Variants in FRMD3 observed in about 807,000 individuals in gnomAD.
FRMD3 encodes FERM domain containing 3.
A neutral mutation model predicts 70.2 loss-of-function variants in FRMD3; 33 were observed. The observed-to-expected ratio is 0.47, with a 90% CI of 0.36 to 0.63. The LOEUF (loss-of-function observed/expected upper bound fraction) is 0.63, where lower values mean the gene tolerates loss of function less well. Ranked by LOEUF, FRMD3 falls within the 20% of genes least tolerant of loss-of-function variation. FRMD3 has a pLI of 0.00. For synonymous variants in FRMD3, 279 were observed against 255.9 expected (o/e 1.09, Z -0.86); for missense variants, 632 against 711.4 (o/e 0.89, Z 1.27).
At chr9:83,243,020 T>G, downstream of FRMD3, 4 of 627,516 alleles carry the variant, frequency 6.4e-6, no homozygotes, top group Non-Finnish European at 1.1e-5. Context: ...TATTAATGGA[T>G]TGGAGAGCAC....
intron 4 of FRMD3, among the ~76,000 whole-genome samples, chr9:83,344,467 G>A (rs1272478497): frequency 2.6e-5 from 4 of 152,152 alleles, no homozygotes; most frequent in Non-Finnish European, 5.9e-5. Flanking sequence ...TTGACTTGGT[G>A]GACTGAGTAA....
intron 13 of FRMD3, among the ~76,000 whole-genome samples, chr9:83,288,454 A>G (rs1279464842): frequency 2.0e-5 from 3 of 152,230 alleles, no homozygotes; most frequent in Non-Finnish European, 4.4e-5. Flanking sequence ...TTGCTTTTTA[A>G]TTGAGTCTAT....
intron 3 of FRMD3, among the ~76,000 whole-genome samples, chr9:83,356,743 AT>A (rs35678880): frequency 2.6e-5 from 4 of 151,524 alleles, no homozygotes; most frequent in Non-Finnish European, 5.9e-5. Flanking sequence ...CTTTTTAACA[AT>A]TTTTTTTATT....
intron 1 of FRMD3, among the ~76,000 whole-genome samples, chr9:83,535,618 ATTT>A (rs36112441): frequency 6.7e-6 from 1 of 148,670 alleles, no homozygotes; most frequent in Admixed American, 6.7e-5. Context: ...ACTTTTTGTG[ATTT>A]TTTTTTTTTT....
At chr9:83,501,188 G>A (rs1829060306) in intron 1 of FRMD3, among the ~76,000 whole-genome samples, 1 of 152,146 alleles carries the variant, frequency 6.6e-6, no homozygotes, top group East Asian at 1.9e-4. Flanking sequence ...CAGCTACTCG[G>A]GAGGCTGAGG....
At chr9:83,544,521 A>T in the FRMD3 span, among the ~76,000 whole-genome samples, 4 of 152,330 alleles carry the variant, frequency 2.6e-5, no homozygotes, top group South Asian at 8.3e-4. Context: ...CCCAGCTGAA[A>T]AAAAAGATCA....
rs1828885757 is a variant in FRMD3 at position 83,493,998 on chromosome 9, CA to C, written c.147+44086del. Among the ~76,000 whole-genome samples the C allele has an allele frequency of 2.6e-5, 4 of 152,330 alleles. No individual in the cohort carries two copies. The South Asian group carries it at 6.2e-4, about 24-fold the overall frequency. On this transcript the variant is annotated intron_variant, in intron 1 of 13. Transcript: ENST00000304195. ...GCGCTACACTTATCACCCGCTGACC[CA>C]AAAGCCACTTCCAACTCTTCCCTTG...
intron 13 of FRMD3, among the ~76,000 whole-genome samples, chr9:83,253,266 A>T (rs543905690): frequency 6.6e-6 from 1 of 152,184 alleles, no homozygotes; most frequent in Non-Finnish European, 1.5e-5. Flanking sequence ...TTACTGAATG[A>T]CTCTTGGGTA....
the FRMD3 span, among the ~76,000 whole-genome samples, chr9:83,572,172 T>C: frequency 6.8e-6 from 1 of 147,458 alleles, no homozygotes; most frequent in South Asian, 2.1e-4. Context: ...TGTGTGTGTG[T>C]GCATGCGCAT....
At chr9:83,249,112 A>T (rs190780719) in intron 13 of FRMD3, among the ~76,000 whole-genome samples, 288 of 152,294 alleles carry the variant, frequency 1.9e-3, no homozygotes, top group African/African-American at 6.7e-3. Context: ...AAGCTGCCAA[A>T]TTTTTTATTT....
intron 1 of FRMD3, among the ~76,000 whole-genome samples, chr9:83,428,963 G>GCACACACA (rs148101856): frequency 6.7e-6 from 1 of 150,150 alleles, no homozygotes; most frequent in Admixed American, 6.6e-5. Context: ...AAACACACAC[G>GCACACACA]CACACACACA....
At position 83,388,354 on chromosome 9, in the gene FRMD3, G is replaced by A. The variant is rs75778879; in HGVS notation, c.252+1250C>T. Among the ~76,000 whole-genome samples, 138 of 152,218 alleles carry A rather than the reference G, an allele frequency of 9.1e-4. 1 individual carries two copies. The East Asian group carries it at 0.023, about 26-fold the overall frequency. On this transcript the variant is annotated intron_variant, in intron 2 of 13. Transcript: ENST00000304195. ...AGATCAGGGACATTGAGGAGGAGGAGAGCAAATTAAAGAAGGCAGAGGGGT... is the reference window on the plus strand; with the variant it reads ...AGATCAGGGACATTGAGGAGGAGGAAAGCAAATTAAAGAAGGCAGAGGGGT...
intron 13 of FRMD3, among the ~76,000 whole-genome samples, chr9:83,288,109 T>C (rs1002390483): frequency 1.3e-5 from 2 of 152,204 alleles, no homozygotes; most frequent in Non-Finnish European, 2.9e-5. Flanking sequence ...GTGCATGCAC[T>C]CAAAAGCCCA....
At chr9:83,456,645 T>C (rs1827825390) in intron 1 of FRMD3, among the ~76,000 whole-genome samples, 1 of 152,200 alleles carries the variant, frequency 6.6e-6, no homozygotes, top group Non-Finnish European at 1.5e-5. Flanking sequence ...TTGTTTTAAA[T>C]GCTTAACAAA....
At position 83,522,761 on chromosome 9, in the gene FRMD3, C is replaced by G. The variant is rs1488436243; in HGVS notation, c.147+15324G>C. Reference sequence around the variant, plus strand: ...TGTATTTTTAGTAGAGACGGGGTTTCACGGTGCTAGCCAGGATGATCTCGA... The same window carrying G: ...TGTATTTTTAGTAGAGACGGGGTTTGACGGTGCTAGCCAGGATGATCTCGA... On this transcript the variant is annotated intron_variant, in intron 1 of 13. Coordinates refer to ENST00000304195, the MANE Select transcript of FRMD3 (RefSeq NM_174938.6). 5.3e-5 allele frequency among the ~76,000 whole-genome samples: 8 copies of G among 152,048 alleles called. No homozygotes were observed. In the East Asian group the frequency reaches 1.4e-3, roughly 26 times the overall value.
At chr9:83,469,986 C>T (rs1402108851) in intron 1 of FRMD3, among the ~76,000 whole-genome samples, 1 of 152,184 alleles carries the variant, frequency 6.6e-6, no homozygotes, top group African/African-American at 2.4e-5. Flanking sequence ...AGGACCCAGG[C>T]ATTTGTACTT....
In FRMD3 at chr9:83,245,307, T is replaced by G. The variant is rs1225741431; in HGVS notation, c.*2611A>C. On this transcript the variant is annotated 3_prime_UTR_variant, in exon 14 of 14. Transcript: ENST00000304195. ...ACTGTCCATCTCTGGAAGCAGGCTT[T>G]TCCTCATTCGATTCAGGCAACTGGT... 3.0e-6 allele frequency: 3 copies of G among 985,334 alleles called. No homozygotes were observed. In the African/African-American group the frequency reaches 5.2e-5, roughly 17 times the overall value. 61.0% of individuals were successfully genotyped at this position (985,334 alleles called of 1,614,324 possible). A position where few individuals can be genotyped will look rare whatever the true frequency, so the allele number is the denominator to read the frequency against.
chr9:83,244,916 T>A lies in FRMD3; in HGVS notation c.*3002A>T. The A allele has an allele frequency of 1.0e-6, 1 of 985,308 alleles. No individual in the cohort carries two copies. Among genetic ancestry groups the A allele is most frequent in the Non-Finnish European group, 1.2e-6 (1 of 829,786 alleles). The allele number at this position is 985,308 out of a possible 1,614,324, so 61.0% of individuals were successfully genotyped here. ...TACTTTACCTACATTGTTTTCATGA[T>A]CCAACTTGCATTAGCACTAAAGGCA... On this transcript the variant is annotated 3_prime_UTR_variant, in exon 14 of 14. Coordinates refer to ENST00000304195, the MANE Select transcript of FRMD3 (RefSeq NM_174938.6).
intron 12 of FRMD3, among the ~76,000 whole-genome samples, chr9:83,296,070 T>C (rs989758915): frequency 5.3e-5 from 8 of 152,216 alleles, no homozygotes; most frequent in African/African-American, 1.9e-4. Flanking sequence ...ATTAAAGTAT[T>C]ATCACCACCA....
Sources: allele counts gnomAD v4.1 joint callset (sites outside exome capture counted in the v4.1 genomes callset), GRCh38; gene constraint gnomAD v4.1.1; transcripts MANE v1.5; gene names NCBI Gene and HGNC (gene_info 2026-07-23, HGNC 2026-07-21).